Variants in RPH3AL observed in about 807,000 individuals in gnomAD.
RPH3AL encodes the protein rabphilin 3A like (without C2 domains).
RPH3AL carries 38 observed loss-of-function variants against 43.1 expected under a neutral mutation model. That is an observed-to-expected ratio of 0.88 (90% CI 0.68 to 1.15). RPH3AL has a LOEUF of 1.15. Ranked by LOEUF, RPH3AL falls within the 50% of genes most tolerant of loss-of-function variation. The pLI is 0.00. For missense variants in RPH3AL, 462 were observed against 423.2 expected (o/e 1.09, Z -0.81); for synonymous variants, 189 against 176.3 (o/e 1.07, Z -0.57).
At chr17:242,533 A>G (rs1266235112) in intron 7 of RPH3AL, among the ~76,000 whole-genome samples, 1 of 78,190 alleles carries the variant, frequency 1.3e-5, no homozygotes, top group Non-Finnish European at 2.6e-5. Flanking sequence ...ACCTTCCTCT[A>G]TTGACTACCT....
rs1567532669 is a variant in RPH3AL, at chr17:333,575, G to GTA, written c.-37+182_-37+183dup. The GTA allele has an allele frequency of 3.4e-6, 1 of 297,280 alleles. No individual in the cohort carries two copies. Among genetic ancestry groups the GTA allele is most frequent in the Non-Finnish European group, 6.7e-6 (1 of 148,884 alleles). 18.4% of individuals were successfully genotyped at this position (297,280 alleles called of 1,614,324 possible). ...AAATATGATTTTAAACTATAACTTAGTATTCTGAATACAATACGTTTTACC... is the reference window on the plus strand; with the variant it reads ...AAATATGATTTTAAACTATAACTTAGTATATTCTGAATACAATACGTTTTACC... On this transcript the variant is annotated intron_variant, in intron 2 of 9. Transcript: ENST00000331302. This position sits in a 1 kb window ranked among gnomAD's most constrained non-coding sequence, Gnocchi z 4.5.
intron 9 of RPH3AL, among the ~76,000 whole-genome samples, chr17:214,445 C>T (rs147733403): frequency 5.3e-5 from 8 of 152,244 alleles, no homozygotes; most frequent in African/African-American, 9.6e-5. Context: ...ATTGAACTGC[C>T]GATATTTCAC....
chr17:317,947 C>A (rs1555522046), intron 5 of RPH3AL, among the ~76,000 whole-genome samples: 1 of 151,110 alleles, frequency 6.6e-6, no homozygotes, highest in Non-Finnish European at 1.5e-5. Context: ...CCTCCACCCT[C>A]TGTTGTTTCT....
At chr17:227,387 C>T (rs12452457) in intron 7 of RPH3AL, among the ~76,000 whole-genome samples, 108,638 of 150,650 alleles carry the variant, frequency 0.72, 39,617 homozygotes, top group East Asian at 0.78. Context: ...AGGACATGGG[C>T]GGCAGCTGTC....
chr17:337,122 A>ATT (rs11453667), intron 1 of RPH3AL, among the ~76,000 whole-genome samples: 49 of 150,094 alleles, frequency 3.3e-4, no homozygotes, highest in South Asian at 4.2e-4. Context: ...CGCACCAATA[A>ATT]TTTTTTTTTT....
At chr17:315,599 C>T (rs1555520164) in intron 5 of RPH3AL, among the ~76,000 whole-genome samples, 15 of 151,182 alleles carry the variant, frequency 9.9e-5, no homozygotes, top group Admixed American at 7.9e-4. Flanking sequence ...CTGTGCTCCA[C>T]CTCCACTGAA....
chr17:285,820 G>C (rs577379887), intron 5 of RPH3AL, among the ~76,000 whole-genome samples: 1 of 152,060 alleles, frequency 6.6e-6, no homozygotes, highest in Non-Finnish European at 1.5e-5. Context: ...CAATCAACCC[G>C]ACTGATGCAC....
At position 235,451 on chromosome 17, in the gene RPH3AL, A is replaced by C. The variant is rs1368092840; in HGVS notation, c.613+11660T>G. 6.7e-3 allele frequency among the ~76,000 whole-genome samples: 682 copies of C among 102,186 alleles called. 8 individuals carry two copies. The highest frequency in any genetic ancestry group is 0.016 in the Middle Eastern group (2 of 128). 67.0% of individuals were successfully genotyped at this position (102,186 alleles called of 152,430 possible). A position where few individuals can be genotyped will look rare whatever the true frequency, so the allele number is the denominator to read the frequency against. Reference sequence around the variant, plus strand: ...GGCTCTGCAGTAACAAGAGGGATGCAGGGTTCAAAGCTGGGGTCGGCCGAG... The same window carrying C: ...GGCTCTGCAGTAACAAGAGGGATGCCGGGTTCAAAGCTGGGGTCGGCCGAG... On this transcript the variant is annotated intron_variant, in intron 7 of 9. Transcript: ENST00000331302.
At position 245,100 on chromosome 17, in the gene RPH3AL, T is replaced by G. The variant is rs1353738613; in HGVS notation, c.613+2011A>C. 6.6e-6 allele frequency among the ~76,000 whole-genome samples: 1 copy of G among 151,058 alleles called. No homozygotes were observed. Among genetic ancestry groups the G allele is most frequent in the African/African-American group, 2.4e-5 (1 of 40,930 alleles). On this transcript the variant is annotated intron_variant, in intron 7 of 9. Coordinates refer to ENST00000331302, the MANE Select transcript of RPH3AL (RefSeq NM_006987.4). The surrounding 1 kb of genome is among the most constrained non-coding windows in gnomAD (Gnocchi z 5.9). ...GTGCATGCGCAAGTGTGTGTAGACGTGTGTGTACATGTGGATGTGTGTGTG... is the reference window on the plus strand; with the variant it reads ...GTGCATGCGCAAGTGTGTGTAGACGGGTGTGTACATGTGGATGTGTGTGTG...
At chr17:230,270 C>T (rs113341462) in intron 7 of RPH3AL, among the ~76,000 whole-genome samples, 6,157 of 152,286 alleles carry the variant, frequency 0.04, 171 homozygotes, top group Middle Eastern at 0.054. Flanking sequence ...AAGACAAATC[C>T]TCAAATCGAT....
At chr17:299,362 C>T (rs772202809) in intron 5 of RPH3AL, among the ~76,000 whole-genome samples, 67 of 150,644 alleles carry the variant, frequency 4.4e-4, no homozygotes, top group Non-Finnish European at 8.3e-4. Context: ...CTCCCTCCCT[C>T]CCACGGAAGG....
intron 1 of RPH3AL, among the ~76,000 whole-genome samples, chr17:334,735 C>G (rs1300422845): frequency 1.6e-5 from 2 of 123,102 alleles, no homozygotes; most frequent in Admixed American, 1.8e-4. Context: ...AAGTGCGGCT[C>G]CTTCTCCCCA....
chr17:342,222 G>C (rs2045138544), intron 1 of RPH3AL, among the ~76,000 whole-genome samples: 1 of 152,222 alleles, frequency 6.6e-6, no homozygotes. Context: ...AAGTGTTCGT[G>C]AGGATGTGGA....
intron 5 of RPH3AL, among the ~76,000 whole-genome samples, chr17:318,268 G>C (rs2044356511): frequency 6.6e-6 from 1 of 152,162 alleles, no homozygotes; most frequent in East Asian, 1.9e-4. Context: ...TGTAATCCCA[G>C]CTACTCAGGA....
At chr17:272,465 T>C (rs1471619009) in intron 6 of RPH3AL, among the ~76,000 whole-genome samples, 1 of 151,604 alleles carries the variant, frequency 6.6e-6, no homozygotes, top group Non-Finnish European at 1.5e-5. Context: ...GGGACATGGA[T>C]GAAGCTGGAA....
chr17:332,158 G>C (rs1216618564), intron 2 of RPH3AL: 1 of 339,168 alleles, frequency 2.9e-6, no homozygotes, highest in East Asian at 7.7e-5. Flanking sequence ...AGGAGGTTCT[G>C]TGGACAGGGC....
chr17:314,711 G>GCCCCAC (rs2043840581), intron 5 of RPH3AL, among the ~76,000 whole-genome samples: 12 of 24,216 alleles, frequency 5.0e-4, no homozygotes, highest in East Asian at 1.5e-3. Context: ...TAGTCTCTGT[G>GCCCCAC]CTCCACCTCC....
At chr17:230,332 G>T (rs901953231) in intron 7 of RPH3AL, among the ~76,000 whole-genome samples, 6 of 152,228 alleles carry the variant, frequency 3.9e-5, no homozygotes, top group African/African-American at 1.4e-4. Context: ...CTCGCTTGAG[G>T]AGCTCCAGAT....
At chr17:314,154 C>A (rs781121827) in intron 5 of RPH3AL, among the ~76,000 whole-genome samples, 2 of 152,184 alleles carry the variant, frequency 1.3e-5, no homozygotes, top group Non-Finnish European at 2.9e-5. Flanking sequence ...ACACCAGCAG[C>A]GGCCTCTGCA....
Sources: allele counts gnomAD v4.1 joint callset (sites outside exome capture counted in the v4.1 genomes callset), GRCh38; gene constraint gnomAD v4.1.1; non-coding constraint Gnocchi (gnomAD v3.1); transcripts MANE v1.5; gene names NCBI Gene and HGNC (gene_info 2026-07-23, HGNC 2026-07-21).